GRIN3A: variants seen among roughly 807,000 people sequenced by gnomAD.
GRIN3A encodes glutamate ionotropic receptor NMDA type subunit 3A.
Under a neutral mutation model 92.4 loss-of-function variants are expected in GRIN3A, and 47 were observed. That is an observed-to-expected ratio of 0.51 (90% confidence interval 0.40 to 0.65). The LOEUF (loss-of-function observed/expected upper bound fraction) is 0.65. Among genes scored for constraint, GRIN3A ranks in the 30% least tolerant of loss-of-function variants. The pLI, the probability that GRIN3A is intolerant of heterozygous loss-of-function variation, is 0.00. For missense variants in GRIN3A, 1,324 were observed against 1,393.1 expected (o/e 0.95, Z 0.79); for synonymous variants, 527 against 540.6 (o/e 0.97, Z 0.35).
At chr9:101,578,100 A>C (rs915307563) in intron 7 of GRIN3A, among the ~76,000 whole-genome samples, 12 of 152,232 alleles carry the variant, frequency 7.9e-5, no homozygotes, top group African/African-American at 2.9e-4. Context: ...ATAAAACGGT[A>C]TGTGATATAA....
chr9:101,610,338 T>G (rs1393427254), intron 6 of GRIN3A, among the ~76,000 whole-genome samples: 4 of 152,232 alleles, frequency 2.6e-5, no homozygotes, highest in African/African-American at 4.8e-5. Context: ...AAATGTTTGA[T>G]CAATATAAAA....
chr9:101,698,050 T>C (rs1829705061), intron 1 of GRIN3A, among the ~76,000 whole-genome samples: 2 of 152,196 alleles, frequency 1.3e-5, no homozygotes, highest in Admixed American at 1.3e-4. Flanking sequence ...TTTATGAAGT[T>C]ACTAATTTTT....
intron 2 of GRIN3A, among the ~76,000 whole-genome samples, chr9:101,678,777 A>G (rs1477981357): frequency 6.6e-6 from 1 of 152,190 alleles, no homozygotes; most frequent in Non-Finnish European, 1.5e-5. Context: ...TCAAGAAGTC[A>G]TACACACAGA....
chr9:101,701,690 T>A (rs1829756123), intron 1 of GRIN3A, among the ~76,000 whole-genome samples: 1 of 152,060 alleles, frequency 6.6e-6, no homozygotes, highest in Admixed American at 6.6e-5. Context: ...AAAGCAAAAA[T>A]TGACAAATGG....
intron 3 of GRIN3A, among the ~76,000 whole-genome samples, chr9:101,642,278 A>G (rs965060853): frequency 6.6e-6 from 1 of 152,194 alleles, no homozygotes; most frequent in Non-Finnish European, 1.5e-5. Flanking sequence ...ATCCATATGT[A>G]AGTGAATAAT....
chr9:101,585,033 T>C (rs1733986224), intron 6 of GRIN3A, among the ~76,000 whole-genome samples: 1 of 152,218 alleles, frequency 6.6e-6, no homozygotes, highest in African/African-American at 2.4e-5. Context: ...GTGTTGTCTA[T>C]ACTCATTGCT....
At chr9:101,672,670 C>A (rs555174652) in intron 2 of GRIN3A, among the ~76,000 whole-genome samples, 4 of 152,026 alleles carry the variant, frequency 2.6e-5, no homozygotes, top group African/African-American at 7.2e-5. Flanking sequence ...GTGTGAAGTA[C>A]GTACTAATTT....
Position 101,573,272 on chromosome 9 carries a change from T to C in GRIN3A, c.3250A>G (p.Lys1084Glu), listed in dbSNP as rs1374426348. Residue 1084 changes from lysine to glutamate, a missense_variant, in exon 9 of 9, where the codon AAG (lysine) becomes GAG (glutamate). By Grantham distance (56) the Lys-to-Glu change is moderately conservative. Transcript: ENST00000361820. Reference sequence around the variant, plus strand: ...TCCTGACGGATCACCTGAATCTGCTTCTCGAGCTCTGAGAGTTCCTGCATC... The same window carrying C: ...TCCTGACGGATCACCTGAATCTGCTCCTCGAGCTCTGAGAGTTCCTGCATC... Reference protein sequence around the residue: ...SVMQELSELEKQIQVIRQELQ... With the variant: ...SVMQELSELEEQIQVIRQELQ... 1.2e-6 allele frequency: 2 copies of C among 1,614,074 alleles called. No homozygotes were observed. Among genetic ancestry groups the C allele is most frequent in the African/African-American group, 2.7e-5 (2 of 75,020 alleles).
At chr9:101,712,519 G>A (rs1363332383) in intron 1 of GRIN3A, among the ~76,000 whole-genome samples, 1 of 152,150 alleles carries the variant, frequency 6.6e-6, no homozygotes, top group African/African-American at 2.4e-5. Flanking sequence ...GAAATGAAAT[G>A]ACTGACTTCT....
intron 3 of GRIN3A, among the ~76,000 whole-genome samples, chr9:101,666,221 A>G (rs529250702): frequency 3.0e-4 from 46 of 151,972 alleles, no homozygotes; most frequent in African/African-American, 1.1e-3. Context: ...GCTTTAATAA[A>G]CAGTATGGCC....
intron 1 of GRIN3A, among the ~76,000 whole-genome samples, chr9:101,693,855 A>C (rs1316839392): frequency 6.6e-6 from 1 of 152,316 alleles, no homozygotes; most frequent in Admixed American, 6.5e-5. Flanking sequence ...TAGAGTAAGC[A>C]AGTTTGGAAA....
intron 6 of GRIN3A, chr9:101,593,301 T>G (rs1392234619): frequency 6.6e-6 from 1 of 152,082 alleles, no homozygotes; most frequent in Admixed American, 6.6e-5. Context: ...TGAGGACTTC[T>G]GCACTGAATG....
intron 3 of GRIN3A, among the ~76,000 whole-genome samples, chr9:101,664,118 G>T (rs11792639): frequency 0.13 from 19,859 of 151,832 alleles, 1,580 homozygotes; most frequent in Admixed American, 0.19. Context: ...TCCTGTGAGT[G>T]CCCAGATCCA....
intron 2 of GRIN3A, among the ~76,000 whole-genome samples, chr9:101,685,549 C>T (rs1829523140): frequency 6.6e-6 from 1 of 151,814 alleles, no homozygotes; most frequent in Non-Finnish European, 1.5e-5. Context: ...AGTCTAAGCC[C>T]TAATGAAATA....
At position 101,623,021 on chromosome 9, in the gene GRIN3A, C is replaced by CACACAA. The variant is rs1250793431; in HGVS notation, c.2614+296_2614+297insTTGTGT. Among the ~76,000 whole-genome samples the CACACAA allele has an allele frequency of 6.6e-5, 10 of 151,696 alleles. No individual in the cohort carries two copies. The East Asian group carries it at 9.7e-4, about 15-fold the overall frequency. On this transcript the variant is annotated intron_variant, in intron 5 of 8. Coordinates refer to ENST00000361820, the MANE Select transcript of GRIN3A (RefSeq NM_133445.3). ...ACACACACACACACACACACACACACAATACAGATTAAATTAAAATTTATT... is the reference window on the plus strand; with the variant it reads ...ACACACACACACACACACACACACACACACAAAATACAGATTAAATTAAAATTTATT...
At chr9:101,654,340 A>C (rs1829055421) in intron 3 of GRIN3A, among the ~76,000 whole-genome samples, 2 of 151,138 alleles carry the variant, frequency 1.3e-5, no homozygotes, top group African/African-American at 4.8e-5. Context: ...TATATTATAC[A>C]TGCTTTATAT....
intron 6 of GRIN3A, among the ~76,000 whole-genome samples, chr9:101,605,128 T>A (rs1828262416): frequency 6.6e-6 from 1 of 152,212 alleles, no homozygotes; most frequent in Non-Finnish European, 1.5e-5. Flanking sequence ...TCTTAAACAA[T>A]CCTACTTGAG....
chr9:101,705,452 T>G (rs527346204), intron 1 of GRIN3A, among the ~76,000 whole-genome samples: 6 of 152,134 alleles, frequency 3.9e-5, no homozygotes, highest in Non-Finnish European at 7.4e-5. Flanking sequence ...TACTGCTCAA[T>G]AAAGTCTCCA....
chr9:101,594,277 G>T, intron 6 of GRIN3A: 1 of 1,177,258 alleles, frequency 8.5e-7, no homozygotes, highest in Non-Finnish European at 1.2e-6. Context: ...TGAAGCTCCT[G>T]TTAGGACATA....
Sources: gnomAD v4.1 joint callset for allele counts (sites outside exome capture counted in the v4.1 genomes callset) on GRCh38, gnomAD v4.1.1 for gene constraint, MANE v1.5 for transcripts, NCBI Gene and HGNC (gene_info 2026-07-23, HGNC 2026-07-21) for gene names.